MYO1A: variants seen among roughly 807,000 people sequenced by gnomAD.
MYO1A encodes unconventional myosin-Ia.
A neutral mutation model predicts 138.5 loss-of-function variants in MYO1A; 127 were observed. The ratio of observed to expected loss-of-function variants is 0.92; its 90% CI spans 0.79 to 1.06. The LOEUF (loss-of-function observed/expected upper bound fraction) is 1.06. Ranked by LOEUF, MYO1A falls within the 50% of genes least tolerant of loss-of-function variation. The pLI, the probability that MYO1A is intolerant of heterozygous loss-of-function variation, is 0.00. For synonymous variants in MYO1A, 477 were observed against 497.5 expected, an observed-to-expected ratio of 0.96 and a Z score of 0.55; for missense variants, 1,211 against 1,288.8, an observed-to-expected ratio of 0.94 and a Z score of 0.92.
intron 27 of MYO1A, 81 bp from the exon 28 acceptor site, chr12:57,028,962 T>G (rs949754484): frequency 6.3e-7 from 1 of 1,598,426 alleles, no homozygotes; most frequent in East Asian, 2.2e-5. Context: ...CCCCCCATCA[T>G]GCGAGTCAGA....
chr12:57,042,138 C>T (rs1469327464), intron 12 of MYO1A, among the ~76,000 whole-genome samples: 2 of 152,178 alleles, frequency 1.3e-5, no homozygotes, highest in Non-Finnish European at 2.9e-5. Flanking sequence ...TAGTCACTCC[C>T]CATACCCCTC....
Position 57,037,015 on chromosome 12 carries a change from C to G in MYO1A, c.2132G>C (p.Trp711Ser). 2 of 1,614,148 alleles carry G rather than the reference C, an allele frequency of 1.2e-6. No homozygotes were observed. The highest frequency in any genetic ancestry group is 1.7e-6 in the Non-Finnish European group (2 of 1,180,026). Residue 711 changes from tryptophan (W) to serine (S), a missense_variant, in exon 20 of 28, where the codon TGG becomes TCG. Coordinates refer to ENST00000300119, the MANE Select transcript of MYO1A (RefSeq NM_005379.4). ...CAGTTGGTAGTGGGTGCGGCAGCGC[C>G]AGCCTCGGTAAATCTTCTGTATGAG... ...ATLIQKIYRGWRCRTHYQLMR... is the reference protein window; with the variant it reads ...ATLIQKIYRGSRCRTHYQLMR...
At position 57,047,099 on chromosome 12, in the gene MYO1A, T is replaced by C. The variant is rs1194197969; in HGVS notation, c.439A>G (p.Asn147Asp). ...QSNPVLEAFG[N>D]AKTIRNNNSS... ...TTGTTGTTGCGAATGGTCTTGGCATTGCCAAAAGCTACAGAGATGAGGAGG... is the reference window on the plus strand; with the variant it reads ...TTGTTGTTGCGAATGGTCTTGGCATCGCCAAAAGCTACAGAGATGAGGAGG... Residue 147 changes from asparagine to aspartate, a missense_variant, in exon 6 of 28, where the codon AAT (asparagine) becomes GAT (aspartate). Coordinates refer to ENST00000300119, the MANE Select transcript of MYO1A (RefSeq NM_005379.4). The C allele has an allele frequency of 6.2e-7, 1 of 1,614,014 alleles. No individual in the cohort carries two copies. Among genetic ancestry groups the C allele is most frequent in the Non-Finnish European group, 8.5e-7 (1 of 1,180,022 alleles).
intron 22 of MYO1A, among the ~76,000 whole-genome samples, chr12:57,035,773 G>A (rs2030509942): frequency 6.6e-6 from 1 of 152,176 alleles, no homozygotes; most frequent in South Asian, 2.1e-4. Flanking sequence ...GGCCTTCCAG[G>A]TGGGTCTTCC....
chr12:57,043,412 A>G, intron 10 of MYO1A, 54 bp from the exon 11 acceptor site: 1 of 1,534,402 alleles, frequency 6.5e-7, no homozygotes, highest in Non-Finnish European at 9.0e-7. Context: ...CTCTCAGGGG[A>G]GGGAGTGCAA....
chr12:57,029,896 A>G (rs1391901964), intron 24 of MYO1A, 24 bp from the exon 25 acceptor site: 1 of 1,613,978 alleles, frequency 6.2e-7, no homozygotes, highest in African/African-American at 1.3e-5. Flanking sequence ...GGAGGTGTGC[A>G]GCGCGACAAG....
intron 21 of MYO1A, 44 bp from the exon 22 acceptor site, chr12:57,036,425 G>A: frequency 1.3e-6 from 2 of 1,569,000 alleles, no homozygotes; most frequent in African/African-American, 1.3e-5. Flanking sequence ...AAGATAGGCA[G>A]ATTCTAGAAG....
intron 22 of MYO1A, among the ~76,000 whole-genome samples, chr12:57,033,338 G>A (rs1406755032): frequency 6.6e-6 from 1 of 152,086 alleles, no homozygotes; most frequent in Non-Finnish European, 1.5e-5. Flanking sequence ...TCTAGAACAA[G>A]GATTCTTAAG....
Position 57,043,974 on chromosome 12 carries a change from C to T in MYO1A, c.774G>A (p.Glu258=). 2 of 1,614,166 alleles carry T rather than the reference C, an allele frequency of 1.2e-6. No homozygotes were observed. Among genetic ancestry groups the T allele is most frequent in the Non-Finnish European group, 1.7e-6 (2 of 1,180,022 alleles). ...CCTCTAGCACTTGTCGAATCTCCTC[C>T]TCCGAGAACCCAATCACTGCCATTG... is the stretch of plus-strand genomic sequence containing the variant. ...QSAMAVIGFS[E]EEIRQVLEVT... Residue 258 remains glutamate, a synonymous_variant, in exon 10 of 28, where the codon GAG becomes GAA. Transcript: ENST00000300119.
chr12:57,036,662 C>A (rs552906173), intron 21 of MYO1A, 110 bp downstream of exon 21: 18 of 1,332,656 alleles, frequency 1.4e-5, no homozygotes, highest in African/African-American at 1.3e-4. Flanking sequence ...GGCTGATACA[C>A]AGAGGTGCGG....
intron 22 of MYO1A, 101 bp downstream of exon 22, chr12:57,036,206 C>T (rs866188895): frequency 1.7e-6 from 2 of 1,197,398 alleles, no homozygotes; most frequent in African/African-American, 1.5e-5. Flanking sequence ...ACTGAGGAAA[C>T]TCTTGGGGGA....
At chr12:57,043,218 T>G (rs2030939829) in intron 11 of MYO1A, 22 bp downstream of exon 11, 1 of 1,613,616 alleles carries the variant, frequency 6.2e-7, no homozygotes, top group South Asian at 1.1e-5. Context: ...AACAGCCCCC[T>G]CCACTCCAGT....
intron 14 of MYO1A, among the ~76,000 whole-genome samples, chr12:57,040,781 T>C (rs981063352): frequency 6.6e-6 from 1 of 152,126 alleles, no homozygotes; most frequent in African/African-American, 2.4e-5. Flanking sequence ...GGGATCATGG[T>C]GTTACAAGAA....
intron 8 of MYO1A, among the ~76,000 whole-genome samples, chr12:57,044,843 A>G (rs1274717995): frequency 6.6e-6 from 1 of 152,160 alleles, no homozygotes; most frequent in African/African-American, 2.4e-5. Context: ...CAACCCTTCC[A>G]TCCTACGCAG....
At position 57,043,070 on chromosome 12, in the gene MYO1A, G is replaced by C. The variant is rs199955490; in HGVS notation, c.1098+2C>G. 2.5e-6 allele frequency: 4 copies of C among 1,614,110 alleles called. No homozygotes were observed. The highest frequency in any genetic ancestry group is 3.4e-6 in the Non-Finnish European group (4 of 1,180,000). ...CATGGAGAAAGCAGAGCGGCCACTT[G>C]CCTTGATGCTCTCATTGATTCGATT... On this transcript the variant is annotated splice_donor_variant, in intron 12 of 27. Coordinates refer to ENST00000300119, the MANE Select transcript of MYO1A (RefSeq NM_005379.4). LOFTEE classifies it high-confidence loss of function.
At position 57,030,269 on chromosome 12, in the gene MYO1A, C is replaced by G; in HGVS notation, c.2532G>C (p.Leu844=). ...DQLSPKQVEI[L]REKLCASELF... is the part of the protein sequence containing the mutation. ...GTTCACTGGCACAGAGCTTTTCCCTCAGGATCTCTACCTGCTTCGGGGACA... is the reference window on the plus strand; with the variant it reads ...GTTCACTGGCACAGAGCTTTTCCCTGAGGATCTCTACCTGCTTCGGGGACA... Residue 844 remains leucine (L), a synonymous_variant, in exon 24 of 28, where the codon CTG becomes CTC. Transcript: ENST00000300119. 1 of 1,614,198 alleles carries G rather than the reference C, an allele frequency of 6.2e-7. No individual in the cohort carries two copies.
At position 57,038,929 on chromosome 12, in the gene MYO1A, C is replaced by T. The variant is rs750742489; in HGVS notation, c.1413G>A (p.Lys471=). 29 of 1,614,084 alleles carry T rather than the reference C, an allele frequency of 1.8e-5. No homozygotes were observed. Among genetic ancestry groups the T allele is most frequent in the Non-Finnish European group, 2.3e-5 (27 of 1,180,048 alleles). ...GVVSDSTFLA[K]LNQLFSKHGH... ...CATGCTTGGAGAAGAGCTGGTTCAG[C>T]TTTGCTAGGAAAGTGGAGTCACTGA... The change falls in exon 16 of 28, where the codon AAG becomes AAA. Residue 471 remains lysine (K), a synonymous_variant. Transcript: ENST00000300119.
chr12:57,039,020 G>C lies in MYO1A; in HGVS notation c.1333-11C>G, dbSNP rs562976292. ...GATACCTCGCTGATTCTGGGCCGGGGGAACAAAAGAAGCCCAACCTAAATC... is the reference window on the plus strand; with the variant it reads ...GATACCTCGCTGATTCTGGGCCGGGCGAACAAAAGAAGCCCAACCTAAATC... On this transcript the variant is annotated splice_polypyrimidine_tract_variant and intron_variant, in intron 15 of 27. Coordinates refer to ENST00000300119, the MANE Select transcript of MYO1A (RefSeq NM_005379.4). 7 of 1,611,184 alleles carry C rather than the reference G, an allele frequency of 4.3e-6. No homozygotes were observed. Among genetic ancestry groups the C allele is most frequent in the South Asian group, 1.1e-5 (1 of 90,736 alleles).
At chr12:57,039,394 G>C in intron 14 of MYO1A, 120 bp from the exon 15 acceptor site, 1 of 793,788 alleles carries the variant, frequency 1.3e-6, no homozygotes, top group Non-Finnish European at 2.2e-6. Context: ...TAGTTCACAG[G>C]GGTCCTTGGT....
Sources: allele counts gnomAD v4.1 joint callset (sites outside exome capture counted in the v4.1 genomes callset), GRCh38; gene constraint gnomAD v4.1.1; transcripts MANE v1.5; gene names NCBI Gene and HGNC (gene_info 2026-07-23, HGNC 2026-07-21).